The following DNAAF9 variants were observed in gnomAD, a reference collection of about 807,000 sequenced individuals.
The protein encoded by DNAAF9 is dynein axonemal assembly factor 9, also known as shulin.
A neutral mutation model predicts 167.0 loss-of-function variants in DNAAF9; 90 were observed. The observed-to-expected ratio is 0.54, with a 90% confidence interval of 0.45 to 0.64. The LOEUF (loss-of-function observed/expected upper bound fraction) is 0.64. Among genes scored for constraint, DNAAF9 ranks in the 30% least tolerant of loss-of-function variants. DNAAF9 has a pLI of 0.00. For missense variants in DNAAF9, 1,315 were observed against 1,442.2 expected, an observed-to-expected ratio of 0.91 and a Z score of 1.43; for synonymous variants, 491 against 508.8, an observed-to-expected ratio of 0.96 and a Z score of 0.47.
At chr20:3,355,483 G>C (rs2083271849) in intron 7 of DNAAF9, among the ~76,000 whole-genome samples, 1 of 152,010 alleles carries the variant, frequency 6.6e-6, no homozygotes, top group East Asian at 1.9e-4. Context: ...GCTGAGGTAT[G>C]AGATCACTTG....
intron 10 of DNAAF9, among the ~76,000 whole-genome samples, chr20:3,336,252 G>GTGTTTTTTTT (rs2069940496): frequency 2.5e-5 from 2 of 81,444 alleles, no homozygotes; most frequent in East Asian, 6.7e-4. Flanking sequence ...ACAGTTTTGC[G>GTGTTTTTTTT]TTTTTGTTTT....
chr20:3,359,605 G>A lies in DNAAF9; in HGVS notation c.613-12C>T. ...CTCACATCCTGCAACTGCAACAGAG[G>A]GCAAAAACATTGAAATAATTAAGTC... On this transcript the variant is annotated splice_polypyrimidine_tract_variant and intron_variant, in intron 6 of 36. Coordinates refer to ENST00000252032, the MANE Select transcript of DNAAF9 (RefSeq NM_001009984.3). 6.3e-7 allele frequency: 1 copy of A among 1,583,592 alleles called. No homozygotes were observed. Among genetic ancestry groups the A allele is most frequent in the South Asian group, 1.1e-5 (1 of 89,062 alleles).
At chr20:3,406,637 AG>A (rs1024051060) in intron 1 of DNAAF9, among the ~76,000 whole-genome samples, 3 of 152,128 alleles carry the variant, frequency 2.0e-5, no homozygotes, top group Admixed American at 2.0e-4. Flanking sequence ...CTATATCTAA[AG>A]GGGGCGGGGA....
At chr20:3,349,387 T>C (rs1190306543) in intron 7 of DNAAF9, among the ~76,000 whole-genome samples, 1 of 151,600 alleles carries the variant, frequency 6.6e-6, no homozygotes, top group Non-Finnish European at 1.5e-5. Context: ...GTCTGAAAAA[T>C]GAATGAATGG....
intron 1 of DNAAF9, among the ~76,000 whole-genome samples, chr20:3,405,615 C>T (rs373467159): frequency 6.6e-6 from 1 of 152,072 alleles, no homozygotes; most frequent in African/African-American, 2.4e-5. Flanking sequence ...ATTTGGAGTT[C>T]GGGTATGATC....
intron 6 of DNAAF9, among the ~76,000 whole-genome samples, chr20:3,361,498 G>A (rs2083364511): frequency 6.6e-6 from 1 of 152,182 alleles, no homozygotes; most frequent in Non-Finnish European, 1.5e-5. Context: ...GGAGGTGGGA[G>A]GGTAAGGGGA....
At chr20:3,310,333 A>AAAAGAAGAAAG (rs2069384321) in intron 20 of DNAAF9, among the ~76,000 whole-genome samples, 1 of 106,098 alleles carries the variant, frequency 9.4e-6, no homozygotes, top group South Asian at 3.6e-4. Context: ...AAGAGAAAGA[A>AAAAGAAGAAAG]AAAGAAAGAA....
intron 7 of DNAAF9, among the ~76,000 whole-genome samples, chr20:3,350,482 C>CAG (rs1228381387): frequency 1.3e-5 from 2 of 151,898 alleles, no homozygotes; most frequent in African/African-American, 4.8e-5. Flanking sequence ...AGGAGGGAGA[C>CAG]AGAGAGAGAG....
intron 10 of DNAAF9, 71 bp downstream of exon 10, chr20:3,340,433 T>TCCCCCCCCCCCCCCCCCCCCCCCCA: frequency 4.5e-6 from 1 of 221,214 alleles, no homozygotes; most frequent in Non-Finnish European, 9.5e-6. Flanking sequence ...TTTGTCTAGC[T>TCCCCCCCCCCCCCCCCCCCCCCCCA]CCCCCCACCC....
intron 20 of DNAAF9, among the ~76,000 whole-genome samples, chr20:3,308,619 C>T (rs1372229252): frequency 6.6e-6 from 1 of 151,778 alleles, no homozygotes; most frequent in Non-Finnish European, 1.5e-5. Context: ...GCTGGGATTA[C>T]AGGTGTGAGC....
intron 31 of DNAAF9, among the ~76,000 whole-genome samples, chr20:3,263,005 C>T (rs1423750282): frequency 4.3e-5 from 5 of 116,436 alleles, no homozygotes; most frequent in African/African-American, 6.6e-5. Flanking sequence ...GACGGAGTCT[C>T]GCTCTGTCGC....
intron 1 of DNAAF9, among the ~76,000 whole-genome samples, chr20:3,401,878 C>T (rs2083991523): frequency 6.6e-6 from 1 of 152,110 alleles, no homozygotes; most frequent in Non-Finnish European, 1.5e-5. Context: ...TCCCCCGCCC[C>T]CTTTTGATAC....
intron 7 of DNAAF9, among the ~76,000 whole-genome samples, chr20:3,349,199 A>C (rs1169208431): frequency 1.8e-4 from 26 of 142,522 alleles, no homozygotes; most frequent in Admixed American, 2.9e-4. Context: ...TACCAAAAAA[A>C]AAAACAAAAA....
chr20:3,406,832 G>A (rs2084064681), intron 1 of DNAAF9, among the ~76,000 whole-genome samples: 1 of 152,106 alleles, frequency 6.6e-6, no homozygotes, highest in African/African-American at 2.4e-5. Flanking sequence ...TGTGGAGTGA[G>A]GGGGCGTCGC....
intron 7 of DNAAF9, among the ~76,000 whole-genome samples, chr20:3,351,846 ATTTAT>A (rs1370207226): frequency 1.4e-5 from 2 of 142,312 alleles, no homozygotes; most frequent in African/African-American, 5.4e-5. Context: ...TTATTTATTT[ATTTAT>A]TTATTTATTT....
intron 1 of DNAAF9, among the ~76,000 whole-genome samples, chr20:3,386,496 T>G (rs1047889517): frequency 3.9e-5 from 6 of 152,208 alleles, no homozygotes; most frequent in African/African-American, 7.2e-5. Flanking sequence ...ATGGAAAATG[T>G]AAAATCATAA....
At chr20:3,362,407 C>T (rs1226087884) in intron 6 of DNAAF9, 1 of 445,238 alleles carries the variant, frequency 2.2e-6, no homozygotes, top group Non-Finnish European at 3.9e-6. Flanking sequence ...TTACTGCAGG[C>T]TAAGTACATT....
chr20:3,325,883 GTTT>G (rs11297064), intron 13 of DNAAF9, among the ~76,000 whole-genome samples: 1 of 147,698 alleles, frequency 6.8e-6, no homozygotes, highest in African/African-American at 2.5e-5. Context: ...TGTCTTTTTG[GTTT>G]TTTTTTTTTA....
At chr20:3,265,249 G>A (rs370920234) in intron 30 of DNAAF9, among the ~76,000 whole-genome samples, 1 of 152,030 alleles carries the variant, frequency 6.6e-6, no homozygotes, top group Non-Finnish European at 1.5e-5. Context: ...TTTGGTGGGG[G>A]AGGGTCCACG....
Sources: allele counts gnomAD v4.1 joint callset (sites outside exome capture counted in the v4.1 genomes callset), GRCh38; gene constraint gnomAD v4.1.1; transcripts MANE v1.5; gene names NCBI Gene and HGNC (gene_info 2026-07-23, HGNC 2026-07-21).